CHSY3: variants seen among roughly 807,000 people sequenced by gnomAD.
The protein encoded by CHSY3 is chondroitin sulfate synthase 3.
In CHSY3, 35 loss-of-function variants were observed where a neutral mutation model predicts 67.2. The observed-to-expected ratio is 0.52, with a 90% CI of 0.40 to 0.69. The LOEUF (loss-of-function observed/expected upper bound fraction) is 0.69. CHSY3 is among the 30% of genes least tolerant of loss of function. The pLI is 0.00. For synonymous variants in CHSY3, 474 were observed against 434.7 expected (o/e 1.09, Z -1.12); for missense variants, 1,069 against 1,138.5 (o/e 0.94, Z 0.88).
chr5:130,026,285 A>G (rs941288245), intron 2 of CHSY3, among the ~76,000 whole-genome samples: 1 of 152,176 alleles, frequency 6.6e-6, no homozygotes, highest in South Asian at 2.1e-4. Flanking sequence ...CCAATCCAAC[A>G]TTTTGAAAAT....
intron 2 of CHSY3, among the ~76,000 whole-genome samples, chr5:130,162,852 A>G (rs1168199496): frequency 6.6e-6 from 1 of 152,206 alleles, no homozygotes. Context: ...CACAATGCAA[A>G]TGGAATAAAT....
At chr5:129,919,324 A>G (rs1490434111) in intron 2 of CHSY3, among the ~76,000 whole-genome samples, 1 of 152,172 alleles carries the variant, frequency 6.6e-6, no homozygotes, top group African/African-American at 2.4e-5. Flanking sequence ...AAATAGATGC[A>G]AAGGTAGGAA....
At chr5:130,160,865 A>G (rs958878911) in intron 2 of CHSY3, among the ~76,000 whole-genome samples, 19 of 151,962 alleles carry the variant, frequency 1.3e-4, no homozygotes, top group Non-Finnish European at 2.6e-4. Flanking sequence ...AAAGTGATGT[A>G]AAATACTGAT....
At chr5:130,033,364 C>A (rs1434749374) in intron 2 of CHSY3, among the ~76,000 whole-genome samples, 1 of 152,076 alleles carries the variant, frequency 6.6e-6, no homozygotes, top group Non-Finnish European at 1.5e-5. Context: ...CCTCACTTGC[C>A]AGAGGTAGCT....
At chr5:129,949,237 C>T (rs1011329261) in intron 2 of CHSY3, among the ~76,000 whole-genome samples, 1 of 151,890 alleles carries the variant, frequency 6.6e-6, no homozygotes, top group Admixed American at 6.6e-5. Flanking sequence ...GACAGGTCAT[C>T]GAGAGAGAAA....
chr5:129,926,614 T>C (rs575987505), intron 2 of CHSY3, among the ~76,000 whole-genome samples: 95 of 152,098 alleles, frequency 6.2e-4, no homozygotes, highest in African/African-American at 2.2e-3. Flanking sequence ...GTTTCCCTTT[T>C]TTTTTAAATA....
In CHSY3 at chr5:130,099,206, G is replaced by T. The variant is rs565900918; in HGVS notation, c.1087-85023G>T. 3.9e-5 allele frequency among the ~76,000 whole-genome samples: 6 copies of T among 152,314 alleles called. No individual in the cohort carries two copies. In the South Asian group the frequency reaches 1.0e-3, roughly 26 times the overall value. ...CTCTGCTAATGTTTATTTGGTGGTT[G>T]ATAAAAATGGAATAATTACGTGGAA... On this transcript the variant is annotated intron_variant, in intron 2 of 2. Transcript: ENST00000305031.
chr5:130,154,002 C>T (rs1311515660), intron 2 of CHSY3, among the ~76,000 whole-genome samples: 1 of 152,040 alleles, frequency 6.6e-6, no homozygotes, highest in Non-Finnish European at 1.5e-5. Context: ...CTGCAACCTC[C>T]ACCTCTCAGT....
At chr5:129,992,597 C>T (rs1763401226) in intron 2 of CHSY3, among the ~76,000 whole-genome samples, 1 of 152,088 alleles carries the variant, frequency 6.6e-6, no homozygotes, top group African/African-American at 2.4e-5. Flanking sequence ...TACATCATTC[C>T]AGTAAAGCTG....
chr5:129,915,841 G>T (rs1343766177), intron 2 of CHSY3, among the ~76,000 whole-genome samples: 1 of 152,076 alleles, frequency 6.6e-6, no homozygotes, highest in South Asian at 2.1e-4. Context: ...TGTTTTCCTG[G>T]CATGAAAGAG....
At chr5:129,944,937 G>T (rs1357689382) in intron 2 of CHSY3, among the ~76,000 whole-genome samples, 1 of 152,048 alleles carries the variant, frequency 6.6e-6, no homozygotes, top group Non-Finnish European at 1.5e-5. Flanking sequence ...GTTTAAAAAA[G>T]GAATGAAACA....
At chr5:130,162,750 AAG>A (rs1769595189) in intron 2 of CHSY3, among the ~76,000 whole-genome samples, 1 of 152,108 alleles carries the variant, frequency 6.6e-6, no homozygotes. Context: ...CTCCAACTAG[AAG>A]CATTGGAGCA....
chr5:129,950,639 G>GA (rs1761998001), intron 2 of CHSY3, among the ~76,000 whole-genome samples: 1 of 151,992 alleles, frequency 6.6e-6, no homozygotes, highest in Non-Finnish European at 1.5e-5. Flanking sequence ...TGAAATATCT[G>GA]AAAAAGAAAT....
chr5:130,047,638 C>T lies in CHSY3; in HGVS notation c.1087-136591C>T, dbSNP rs901023011. ...AATAAAGTTCAAATAATACATATTT[C>T]TTATATAATATGTTCTAAAATCCTC... is the stretch of plus-strand genomic sequence containing the variant. On this transcript the variant is annotated intron_variant, in intron 2 of 2. Transcript: ENST00000305031. Among the ~76,000 whole-genome samples the T allele has an allele frequency of 7.9e-5, 12 of 151,950 alleles. 1 individual carries two copies. The highest frequency in any genetic ancestry group is 2.6e-4 in the Admixed American group (4 of 15,214).
Position 130,184,987 on chromosome 5 carries a change from G to A in CHSY3, c.1845G>A (p.Gly615=). 6.4e-7 allele frequency: 1 copy of A among 1,556,990 alleles called. No individual in the cohort carries two copies. The highest frequency in any genetic ancestry group is 8.9e-7 in the Non-Finnish European group (1 of 1,128,430). ...SSFQGAKEMG[G]HNEKKVHILV... ...TTCAAGGTGCCAAAGAAATGGGAGG[G>A]CACAATGAAAAGAAAGTACACATTC... Residue 615 remains glycine (G), a synonymous_variant, in exon 3 of 3, where the codon GGG becomes GGA. Coordinates refer to ENST00000305031, the MANE Select transcript of CHSY3 (RefSeq NM_175856.5).
At chr5:130,063,147 G>GT (rs1460770552) in intron 2 of CHSY3, among the ~76,000 whole-genome samples, 5 of 151,884 alleles carry the variant, frequency 3.3e-5, no homozygotes, top group African/African-American at 1.2e-4. Context: ...AAACTTTACA[G>GT]TTTTTTATTG....
chr5:130,183,239 A>G (rs946173917), intron 2 of CHSY3, among the ~76,000 whole-genome samples: 4 of 151,980 alleles, frequency 2.6e-5, no homozygotes, highest in African/African-American at 9.7e-5. Flanking sequence ...CCTCATAACT[A>G]CATATTTTTT....
At chr5:130,077,712 A>G (rs769960928) in intron 2 of CHSY3, among the ~76,000 whole-genome samples, 15 of 152,028 alleles carry the variant, frequency 9.9e-5, no homozygotes, top group Admixed American at 1.3e-4. Flanking sequence ...ATAATTCACA[A>G]TTACTGACTA....
At chr5:130,170,198 A>G (rs117304195) in intron 2 of CHSY3, among the ~76,000 whole-genome samples, 1 of 151,744 alleles carries the variant, frequency 6.6e-6, no homozygotes, top group Admixed American at 6.6e-5. Flanking sequence ...ATGTGTTCCC[A>G]TTGTTTAGTT....
Sources: gnomAD v4.1 joint callset for allele counts (sites outside exome capture counted in the v4.1 genomes callset) on GRCh38, gnomAD v4.1.1 for gene constraint, MANE v1.5 for transcripts, NCBI Gene and HGNC (gene_info 2026-07-23, HGNC 2026-07-21) for gene names.